VAV2: variants seen among roughly 807,000 people sequenced by gnomAD.
VAV2 encodes the protein guanine nucleotide exchange factor VAV2.
Under a neutral mutation model 132.5 loss-of-function variants are expected in VAV2, and 67 were observed. The ratio of observed to expected loss-of-function variants is 0.51; its 90% CI spans 0.42 to 0.62. VAV2 has a LOEUF of 0.62. Ranked by LOEUF, VAV2 falls within the 20% of genes least tolerant of loss-of-function variation. The probability of loss-of-function intolerance (pLI) is 0.00; values close to 1 mark genes in which losing one functional copy is unlikely to be tolerated. For synonymous variants in VAV2, 492 were observed against 443.5 expected, an observed-to-expected ratio of 1.11 and a Z score of -1.37; for missense variants, 938 against 1,153.6, an observed-to-expected ratio of 0.81 and a Z score of 2.71.
At chr9:133,888,672 C>A (rs762565701) in intron 2 of VAV2, among the ~76,000 whole-genome samples, 7 of 152,206 alleles carry the variant, frequency 4.6e-5, no homozygotes, top group Non-Finnish European at 8.8e-5. Context: ...AGACCAACGT[C>A]CCCCAAACAG....
intron 2 of VAV2, among the ~76,000 whole-genome samples, chr9:133,898,983 G>A (rs920712293): frequency 2.0e-5 from 3 of 151,814 alleles, no homozygotes; most frequent in Non-Finnish European, 2.9e-5. Flanking sequence ...CACCACGCCC[G>A]GCTAATTTTT....
chr9:133,930,154 C>G (rs1474182047), intron 2 of VAV2, among the ~76,000 whole-genome samples: 1 of 152,218 alleles, frequency 6.6e-6, no homozygotes, highest in African/African-American at 2.4e-5. Flanking sequence ...GCGCCCTCCC[C>G]TCCAGGGTCA....
At chr9:133,944,979 T>C (rs1160763033) in intron 1 of VAV2, among the ~76,000 whole-genome samples, 1 of 152,012 alleles carries the variant, frequency 6.6e-6, no homozygotes, top group Non-Finnish European at 1.5e-5. Context: ...CTCACAGTGA[T>C]TATAGGCGCT....
chr9:133,907,380 A>G (rs1389112936), intron 2 of VAV2, among the ~76,000 whole-genome samples: 1 of 152,218 alleles, frequency 6.6e-6, no homozygotes, highest in East Asian at 1.9e-4. Flanking sequence ...TCACGGTTCA[A>G]GCCCAGGCCG....
At chr9:133,850,044 T>C (rs938897399) in intron 3 of VAV2, among the ~76,000 whole-genome samples, 1 of 152,226 alleles carries the variant, frequency 6.6e-6, no homozygotes, top group Non-Finnish European at 1.5e-5. Context: ...GGGACCCGGA[T>C]GCATGGTCCT....
intron 2 of VAV2, among the ~76,000 whole-genome samples, chr9:133,896,647 C>A (rs200031099): frequency 2.0e-5 from 3 of 152,108 alleles, no homozygotes; most frequent in East Asian, 1.9e-4. Context: ...TGGATCCGAG[C>A]GCCACTTCAT....
chr9:133,913,064 C>T (rs1473896323), intron 2 of VAV2, among the ~76,000 whole-genome samples: 1 of 152,214 alleles, frequency 6.6e-6, no homozygotes, highest in Non-Finnish European at 1.5e-5. Context: ...CACCTCACTT[C>T]CAAGACAAAC....
chr9:133,914,796 GA>G (rs57505800), intron 2 of VAV2, among the ~76,000 whole-genome samples: 6 of 122,814 alleles, frequency 4.9e-5, no homozygotes, highest in South Asian at 3.1e-4. Flanking sequence ...AGAGGAGGAG[GA>G]GAGGGGAAGG....
rs1588242352 is a variant in VAV2, at chr9:133,834,213, A to C, written c.449+59T>G. 6.4e-7 allele frequency: 1 copy of C among 1,552,130 alleles called. No homozygotes were observed. Among genetic ancestry groups the C allele is most frequent in the Middle Eastern group, 1.7e-4 (1 of 5,964 alleles). Reference sequence around the variant, plus strand: ...GTTTCCTCCTGACTCCCTGGACACCACCAGGAACCTCCCTGCCCCTCCCTC... The same window carrying C: ...GTTTCCTCCTGACTCCCTGGACACCCCCAGGAACCTCCCTGCCCCTCCCTC... On this transcript the variant is annotated intron_variant, in intron 4 of 29. Transcript: ENST00000371850. The surrounding 1 kb of genome is among the most constrained non-coding windows in gnomAD (Gnocchi z 5.9).
intron 2 of VAV2, among the ~76,000 whole-genome samples, chr9:133,873,129 A>C (rs940695765): frequency 6.7e-6 from 1 of 149,400 alleles, no homozygotes; most frequent in Non-Finnish European, 1.5e-5. Context: ...GGAGGGAGGA[A>C]GGAAGACAGG....
chr9:133,882,150 T>C (rs1489650988), intron 2 of VAV2, among the ~76,000 whole-genome samples: 1 of 152,240 alleles, frequency 6.6e-6, no homozygotes, highest in African/African-American at 2.4e-5. Flanking sequence ...GGCCCAGCCA[T>C]GCCCTGCAGA....
chr9:133,870,055 C>T (rs778061238), intron 2 of VAV2, among the ~76,000 whole-genome samples: 1 of 151,952 alleles, frequency 6.6e-6, no homozygotes, highest in Non-Finnish European at 1.5e-5. Flanking sequence ...ATTTGGGGTA[C>T]TTGCCTTCAG....
chr9:133,798,989 T>C (rs1317533547), intron 9 of VAV2, among the ~76,000 whole-genome samples: 1 of 152,150 alleles, frequency 6.6e-6, no homozygotes, highest in Non-Finnish European at 1.5e-5. Context: ...CTCTGGGCCA[T>C]TTCTCTTTCC....
intron 1 of VAV2, among the ~76,000 whole-genome samples, chr9:133,950,401 C>T (rs1043430465): frequency 6.6e-6 from 1 of 152,170 alleles, no homozygotes; most frequent in Non-Finnish European, 1.5e-5. Flanking sequence ...GCCGCCCAGC[C>T]GTGCGTGTTC....
At chr9:133,921,897 C>G (rs1308633627) in intron 2 of VAV2, among the ~76,000 whole-genome samples, 1 of 152,226 alleles carries the variant, frequency 6.6e-6, no homozygotes, top group Admixed American at 6.5e-5. Context: ...TGGTTCTGAT[C>G]GTGATGGGAC....
rs540154306 is a variant in VAV2 at position 133,902,603 on chromosome 9, A to C, written c.321+36500T>G. On this transcript the variant is annotated intron_variant, in intron 2 of 29. Coordinates refer to ENST00000371850, the MANE Select transcript of VAV2 (RefSeq NM_001134398.2). The stretch of plus-strand genomic sequence containing the variant: ...GGGAAGACACACATCTGCTCAAAAG[A>C]AAAATGAGGGAGTGTTTCGGGTTGA... 1.3e-4 allele frequency among the ~76,000 whole-genome samples: 20 copies of C among 152,350 alleles called. No homozygotes were observed. In the South Asian group the frequency reaches 3.7e-3, roughly 28 times the overall value.
At chr9:133,973,961 G>C (rs72764858) in intron 1 of VAV2, among the ~76,000 whole-genome samples, 10,909 of 152,258 alleles carry the variant, frequency 0.072, 470 homozygotes, top group African/African-American at 0.12. Context: ...CAGCAGGTCA[G>C]AGTCCTGACC....
intron 18 of VAV2, 106 bp from the exon 19 acceptor site, chr9:133,783,697 GT>G: frequency 1.0e-6 from 1 of 984,258 alleles, no homozygotes; most frequent in Non-Finnish European, 1.6e-6. Flanking sequence ...CTGGCTGGCT[GT>G]CTCCCAGCAC....
In VAV2 at chr9:133,795,679, C is replaced by T. The variant is rs1834681501; in HGVS notation, c.1090G>A (p.Glu364Lys). The T allele has an allele frequency of 1.2e-6, 2 of 1,614,044 alleles. No homozygotes were observed. Among genetic ancestry groups the T allele is most frequent in the Admixed American group, 3.3e-5 (2 of 60,000 alleles). ...PERQQLKEAL[E>K]AMQDLAMYIN... ...GTTTACCCACACACCTGCATGGCTT[C>T]CAGTGCTTCTTTGAGCTGCTGCCTC... Residue 364 changes from glutamate to lysine, a missense_variant, in exon 12 of 30, where the codon GAA becomes AAA. By Grantham distance (56) the Glu-to-Lys change is moderately conservative. Coordinates refer to ENST00000371850, the MANE Select transcript of VAV2 (RefSeq NM_001134398.2).
Sources: allele counts gnomAD v4.1 joint callset (sites outside exome capture counted in the v4.1 genomes callset), GRCh38; gene constraint gnomAD v4.1.1; non-coding constraint Gnocchi (gnomAD v3.1); transcripts MANE v1.5; gene names NCBI Gene and HGNC (gene_info 2026-07-23, HGNC 2026-07-21).